The following GPHN variants were observed in gnomAD, a reference collection of about 807,000 sequenced individuals.
The protein encoded by GPHN is gephyrin.
GPHN carries 17 observed loss-of-function variants against 95.5 expected under a neutral mutation model. The ratio of observed to expected loss-of-function variants is 0.18; its 90% CI spans 0.12 to 0.27. The LOEUF (loss-of-function observed/expected upper bound fraction) is 0.27. Ranked by LOEUF, GPHN falls within the 10% of genes least tolerant of loss-of-function variation. The pLI, the probability that GPHN is intolerant of heterozygous loss-of-function variation, is 1.00. For missense variants in GPHN, 660 were observed against 978.1 expected, an observed-to-expected ratio of 0.67 and a Z score of 4.34; for synonymous variants, 320 against 322.5, an observed-to-expected ratio of 0.99 and a Z score of 0.08.
At chr14:67,298,898 G>A in the GPHN span, among the ~76,000 whole-genome samples, 2 of 152,210 alleles carry the variant, frequency 1.3e-5, no homozygotes, top group Admixed American at 6.5e-5. Context: ...TGTCATTTGT[G>A]GACATTTCAT....
chr14:66,638,761 A>C (rs2064239730), intron 1 of GPHN, among the ~76,000 whole-genome samples: 2 of 151,952 alleles, frequency 1.3e-5, no homozygotes, highest in Admixed American at 1.3e-4. Flanking sequence ...AAAAGTTATG[A>C]AAATTGAGAA....
At chr14:67,260,321 C>T in the GPHN span, among the ~76,000 whole-genome samples, 2 of 152,080 alleles carry the variant, frequency 1.3e-5, no homozygotes, top group African/African-American at 2.4e-5. Flanking sequence ...GGAGGACATT[C>T]GTGGTAAGAA....
intron 1 of GPHN, among the ~76,000 whole-genome samples, chr14:66,587,795 C>T (rs902531141): frequency 5.9e-5 from 9 of 152,178 alleles, no homozygotes; most frequent in African/African-American, 9.7e-5. Flanking sequence ...GGGGAATGGG[C>T]GGCTCTGGGT....
the GPHN span, among the ~76,000 whole-genome samples, chr14:67,434,970 C>CTT: frequency 5.1e-5 from 7 of 138,126 alleles, no homozygotes; most frequent in African/African-American, 1.1e-4. Context: ...TTCTCTCTCT[C>CTT]TTTTTTTTTT....
At chr14:67,140,061 G>GA (rs1253519225) in intron 17 of GPHN, among the ~76,000 whole-genome samples, 1 of 151,866 alleles carries the variant, frequency 6.6e-6, no homozygotes, top group African/African-American at 2.4e-5. Flanking sequence ...CACAAAATAG[G>GA]AAAAAAACAT....
chr14:67,315,576 C>T, the GPHN span, among the ~76,000 whole-genome samples: 2 of 152,022 alleles, frequency 1.3e-5, no homozygotes, highest in Non-Finnish European at 1.5e-5. Context: ...GCACCCGACC[C>T]CTTTAAATTT....
the GPHN span, among the ~76,000 whole-genome samples, chr14:67,477,220 G>A: frequency 6.6e-6 from 1 of 151,352 alleles, no homozygotes; most frequent in Non-Finnish European, 1.5e-5. Flanking sequence ...AAACACAACA[G>A]CATCCTTGGC....
chr14:67,000,368 A>AT (rs1307073295), intron 9 of GPHN, among the ~76,000 whole-genome samples: 2 of 151,852 alleles, frequency 1.3e-5, no homozygotes, highest in East Asian at 3.9e-4. Flanking sequence ...AAATAGGAAC[A>AT]TTTTTTAAAC....
At chr14:66,690,451 T>A (rs1300063210) in intron 2 of GPHN, among the ~76,000 whole-genome samples, 1 of 152,234 alleles carries the variant, frequency 6.6e-6, no homozygotes, top group Non-Finnish European at 1.5e-5. Context: ...ACCTAATATG[T>A]GGTCTGTTCT....
chr14:66,626,040 G>T (rs2063514064), intron 1 of GPHN, among the ~76,000 whole-genome samples: 1 of 152,118 alleles, frequency 6.6e-6, no homozygotes. Flanking sequence ...CTACCTGAAT[G>T]GTGTAAACTT....
chr14:67,260,875 A>G, the GPHN span, among the ~76,000 whole-genome samples: 2 of 152,070 alleles, frequency 1.3e-5, no homozygotes, highest in Admixed American at 6.6e-5. Flanking sequence ...TTCAGAAGAC[A>G]GGGGAGGGAG....
At chr14:67,699,968 C>T in the GPHN span, among the ~76,000 whole-genome samples, 3 of 151,902 alleles carry the variant, frequency 2.0e-5, no homozygotes, top group South Asian at 2.1e-4. Flanking sequence ...GGTGAAACCC[C>T]GTCTCTACTA....
chr14:67,124,814 C>CT (rs34063556), intron 17 of GPHN, among the ~76,000 whole-genome samples: 77,565 of 149,818 alleles, frequency 0.52, 22,898 homozygotes, highest in African/African-American at 0.82. Flanking sequence ...TACTGTTATA[C>CT]TTTTTTTTTT....
the GPHN span, among the ~76,000 whole-genome samples, chr14:67,715,977 C>T: frequency 6.6e-6 from 1 of 152,072 alleles, no homozygotes; most frequent in African/African-American, 2.4e-5. Flanking sequence ...GGGCGGATCA[C>T]GAGGTCAAGA....
the GPHN span, chr14:67,382,636 A>C: frequency 6.2e-7 from 1 of 1,607,766 alleles, no homozygotes; most frequent in South Asian, 1.1e-5. Flanking sequence ...GGAGGTTCCT[A>C]AAAGGAGTTC....
intron 1 of GPHN, among the ~76,000 whole-genome samples, chr14:66,594,981 TG>T (rs2061912621): frequency 6.6e-6 from 1 of 152,096 alleles, no homozygotes; most frequent in Non-Finnish European, 1.5e-5. Flanking sequence ...TATAAAAACA[TG>T]CAAAGGACCT....
chr14:66,902,958 A>G (rs890065769), intron 5 of GPHN, among the ~76,000 whole-genome samples: 15 of 152,044 alleles, frequency 9.9e-5, no homozygotes, highest in Non-Finnish European at 2.2e-4. Context: ...ACCATCAGAG[A>G]TACTATAAAT....
chr14:67,159,710 T>C (rs990064526), intron 19 of GPHN, among the ~76,000 whole-genome samples: 1 of 152,208 alleles, frequency 6.6e-6, no homozygotes, highest in African/African-American at 2.4e-5. Flanking sequence ...ACACAGCAAC[T>C]TTCCAAACTT....
intron 1 of GPHN, among the ~76,000 whole-genome samples, chr14:66,670,334 C>G (rs2066234000): frequency 6.6e-6 from 1 of 152,164 alleles, no homozygotes; most frequent in African/African-American, 2.4e-5. Context: ...TTTTAATATG[C>G]TTTCACCAGA....
Sources: allele counts gnomAD v4.1 joint callset (sites outside exome capture counted in the v4.1 genomes callset), GRCh38; gene constraint gnomAD v4.1.1; transcripts MANE v1.5; gene names NCBI Gene and HGNC (gene_info 2026-07-23, HGNC 2026-07-21).